The following ELL2 variants were observed in gnomAD, a reference collection of about 807,000 sequenced individuals.
ELL2 encodes RNA polymerase II elongation factor ELL2.
In ELL2, 21 loss-of-function variants were observed where a neutral mutation model predicts 72.8. The observed-to-expected ratio is 0.29, with a 90% CI of 0.20 to 0.42. The LOEUF (loss-of-function observed/expected upper bound fraction) is 0.42. ELL2 is among the 10% of genes least tolerant of loss of function. The pLI is 1.00. For synonymous variants in ELL2, 266 were observed against 283.2 expected, an observed-to-expected ratio of 0.94 and a Z score of 0.61; for missense variants, 568 against 772.8, an observed-to-expected ratio of 0.73 and a Z score of 3.14.
rs1317456180 is a variant in ELL2 at position 95,927,474 on chromosome 5, CAT to C, written c.196-7931_196-7930del. On this transcript the variant is annotated intron_variant, in intron 2 of 11. Coordinates refer to ENST00000237853, the MANE Select transcript of ELL2 (RefSeq NM_012081.6). ...ATACACACACACGTGTGTATATAGA[CAT>C]ACACACACGTGTGTATATAGACATA... 2.0e-4 allele frequency among the ~76,000 whole-genome samples: 6 copies of C among 30,712 alleles called. 2 individuals carry two copies. Among genetic ancestry groups the C allele is most frequent in the African/African-American group, 9.5e-4 (3 of 3,174 alleles). 20.1% of individuals were successfully genotyped at this position (30,712 alleles called of 152,430 possible).
intron 2 of ELL2, among the ~76,000 whole-genome samples, chr5:95,923,454 G>A (rs374127204): frequency 9.9e-5 from 15 of 152,236 alleles, no homozygotes; most frequent in East Asian, 1.9e-4. Context: ...TGAGCAGTAC[G>A]CAGACACGGC....
chr5:95,901,782 C>A (rs1156530368), intron 5 of ELL2, among the ~76,000 whole-genome samples: 1 of 152,136 alleles, frequency 6.6e-6, no homozygotes, highest in Non-Finnish European at 1.5e-5. Context: ...TCCAGGTAAC[C>A]CTTACTGCAC....
At chr5:95,926,637 A>T (rs1416138406) in intron 2 of ELL2, among the ~76,000 whole-genome samples, 2 of 152,222 alleles carry the variant, frequency 1.3e-5, no homozygotes, top group Admixed American at 6.5e-5. Context: ...TGGATCCAGT[A>T]TTAAAATTTC....
chr5:95,912,988 C>T (rs1749661496), intron 4 of ELL2, among the ~76,000 whole-genome samples: 1 of 152,078 alleles, frequency 6.6e-6, no homozygotes, highest in Non-Finnish European at 1.5e-5. Flanking sequence ...TTAAATTGAC[C>T]AAGGACTCAA....
chr5:95,941,065 G>A (rs1482525843), intron 2 of ELL2, among the ~76,000 whole-genome samples: 1 of 152,070 alleles, frequency 6.6e-6, no homozygotes, highest in Non-Finnish European at 1.5e-5. Context: ...AAAGAGTGGG[G>A]GGTTGAGACA....
chr5:95,915,929 G>A (rs1335893986), intron 3 of ELL2, among the ~76,000 whole-genome samples: 1 of 152,006 alleles, frequency 6.6e-6, no homozygotes, highest in Non-Finnish European at 1.5e-5. Context: ...GATAACGAGA[G>A]GCTGAAATCA....
Position 95,888,589 on chromosome 5 carries a change from A to G in ELL2, c.*282T>C, listed in dbSNP as rs1276342507. On this transcript the variant is annotated 3_prime_UTR_variant, in exon 12 of 12. Transcript: ENST00000237853. ...TAACAAACACAAGTTTTTGAGGAAA[A>G]AAAACTGATTTGAAATATAGACAAT... 2 of 222,906 alleles carry G rather than the reference A, an allele frequency of 9.0e-6. No individual in the cohort carries two copies. The highest frequency in any genetic ancestry group is 4.5e-5 in the African/African-American group (2 of 44,088). 13.8% of individuals were successfully genotyped at this position (222,906 alleles called of 1,614,324 possible). A position where few individuals can be genotyped will look rare whatever the true frequency, so the allele number is the denominator to read the frequency against.
chr5:95,913,671 T>C (rs1749683913), intron 4 of ELL2, 100 bp downstream of exon 4: 2 of 1,274,814 alleles, frequency 1.6e-6, no homozygotes, highest in Admixed American at 2.9e-5. Context: ...TGAAAACTAG[T>C]TTCTGTGTTT....
chr5:95,892,984 A>G (rs1387364250), intron 9 of ELL2, among the ~76,000 whole-genome samples: 1 of 152,180 alleles, frequency 6.6e-6, no homozygotes, highest in African/African-American at 2.4e-5. Flanking sequence ...GCCCCGGGGT[A>G]AAAAGAGGTT....
chr5:95,934,970 A>G (rs1750723798), intron 2 of ELL2, among the ~76,000 whole-genome samples: 1 of 152,194 alleles, frequency 6.6e-6, no homozygotes, highest in Non-Finnish European at 1.5e-5. Context: ...TTTCTGCAAA[A>G]TAAGTATAGC....
chr5:95,928,664 G>A (rs1173068946), intron 2 of ELL2, among the ~76,000 whole-genome samples: 1 of 151,964 alleles, frequency 6.6e-6, no homozygotes, highest in Non-Finnish European at 1.5e-5. Context: ...CTCTGCTTTG[G>A]CTCAGTATTA....
chr5:95,913,715 G>T, intron 4 of ELL2, 56 bp downstream of exon 4: 1 of 1,469,020 alleles, frequency 6.8e-7, no homozygotes, highest in Non-Finnish European at 9.0e-7. Context: ...TTTACCTATG[G>T]TGATCTTGAA....
intron 2 of ELL2, among the ~76,000 whole-genome samples, chr5:95,936,357 C>A (rs181932120): frequency 8.5e-5 from 13 of 152,250 alleles, no homozygotes; most frequent in Admixed American, 7.8e-4. Context: ...ATTGTTATGA[C>A]AGTGAATCGA....
intron 2 of ELL2, among the ~76,000 whole-genome samples, chr5:95,930,533 A>G (rs1350587710): frequency 6.6e-6 from 1 of 152,236 alleles, no homozygotes; most frequent in African/African-American, 2.4e-5. Flanking sequence ...ATATTTCCAT[A>G]TAGATTTAGA....
intron 2 of ELL2, among the ~76,000 whole-genome samples, chr5:95,924,307 G>T (rs1750208290): frequency 6.6e-6 from 1 of 152,198 alleles, no homozygotes; most frequent in South Asian, 2.1e-4. Context: ...ATACGAGGAG[G>T]AGGAAGTGAA....
intron 10 of ELL2, 31 bp downstream of exon 10, chr5:95,891,072 A>G: frequency 6.2e-7 from 1 of 1,613,990 alleles, no homozygotes; most frequent in South Asian, 1.1e-5. Flanking sequence ...AAAATATGAA[A>G]GTCAGCCCAT....
chr5:95,950,904 G>GTGTA (rs1751354870), intron 1 of ELL2, among the ~76,000 whole-genome samples: 16 of 46,614 alleles, frequency 3.4e-4, no homozygotes, highest in Middle Eastern at 0.018. Context: ...GTATGTATGT[G>GTGTA]TATATATATA....
chr5:95,954,441 C>G (rs1227085766), intron 1 of ELL2, among the ~76,000 whole-genome samples: 1 of 133,794 alleles, frequency 7.5e-6, no homozygotes, highest in Non-Finnish European at 1.6e-5. Flanking sequence ...GAGTCTTGCT[C>G]TGTCGCCCAG....
chr5:95,921,810 T>A (rs570144549), intron 2 of ELL2, among the ~76,000 whole-genome samples: 9 of 152,178 alleles, frequency 5.9e-5, no homozygotes, highest in Non-Finnish European at 1.2e-4. Context: ...TGAAATCCCC[T>A]CCCTAGGCAT....
Sources: gnomAD v4.1 joint callset for allele counts (sites outside exome capture counted in the v4.1 genomes callset) on GRCh38, gnomAD v4.1.1 for gene constraint, MANE v1.5 for transcripts, NCBI Gene and HGNC (gene_info 2026-07-23, HGNC 2026-07-21) for gene names.